Variants in SGCZ observed in about 807,000 individuals in gnomAD.
SGCZ encodes the protein zeta-sarcoglycan.
A neutral mutation model predicts 41.3 loss-of-function variants in SGCZ; 40 were observed. The observed-to-expected ratio is 0.97, with a 90% CI of 0.75 to 1.26. The LOEUF is 1.26. SGCZ is among the 50% of genes most tolerant of loss of function. The pLI, the probability that SGCZ is intolerant of heterozygous loss-of-function variation, is 0.00. For synonymous variants in SGCZ, 206 were observed against 137.5 expected, an observed-to-expected ratio of 1.50 and a Z score of -3.49; for missense variants, 552 against 369.8, an observed-to-expected ratio of 1.49 and a Z score of -4.04.
At position 14,534,824 on chromosome 8, in the gene SGCZ, T is replaced by C. The variant is rs190974092; in HGVS notation, c.234+19908A>G. Among the ~76,000 whole-genome samples the C allele has an allele frequency of 1.3e-3, 200 of 152,148 alleles. 1 individual carries two copies. The Middle Eastern group carries it at 0.02, about 16-fold the overall frequency. On this transcript the variant is annotated intron_variant, in intron 2 of 7. Transcript: ENST00000382080. ...TTTTAGGCTGATACTACTAATATTG[T>C]GATTTTTGAAAATGTTTCCTCAGGC...
At chr8:14,263,109 T>C (rs992665472) in intron 3 of SGCZ, among the ~76,000 whole-genome samples, 6 of 152,220 alleles carry the variant, frequency 3.9e-5, no homozygotes, top group Admixed American at 3.3e-4. Flanking sequence ...ATTTTGTGTT[T>C]AATGGAAGTT....
intron 1 of SGCZ, among the ~76,000 whole-genome samples, chr8:14,583,492 A>G (rs1188530264): frequency 1.3e-5 from 2 of 152,000 alleles, no homozygotes; most frequent in Non-Finnish European, 2.9e-5. Context: ...TTTGCTGTGC[A>G]GAAGCTCTTT....
intron 1 of SGCZ, among the ~76,000 whole-genome samples, chr8:15,214,160 G>C (rs1318481784): frequency 6.6e-6 from 1 of 151,722 alleles, no homozygotes; most frequent in African/African-American, 2.4e-5. Context: ...AATAAGTTAG[G>C]CACCAAAAGT....
chr8:14,873,369 C>A (rs1804235933), intron 1 of SGCZ, among the ~76,000 whole-genome samples: 1 of 152,000 alleles, frequency 6.6e-6, no homozygotes, highest in African/African-American at 2.4e-5. Context: ...TAATACATGC[C>A]TTCAATTCTA....
intron 1 of SGCZ, among the ~76,000 whole-genome samples, chr8:15,046,762 C>G (rs148975634): frequency 2.6e-5 from 4 of 152,144 alleles, no homozygotes; most frequent in African/African-American, 9.6e-5. Flanking sequence ...GATATAGTTA[C>G]AGATATACAA....
intron 1 of SGCZ, among the ~76,000 whole-genome samples, chr8:14,705,124 G>A (rs934145362): frequency 6.6e-6 from 1 of 151,912 alleles, no homozygotes. Flanking sequence ...CCTAGTTAAG[G>A]GTTCCTTCAA....
chr8:14,147,046 G>T (rs1422959970), intron 5 of SGCZ, among the ~76,000 whole-genome samples: 1 of 151,472 alleles, frequency 6.6e-6, no homozygotes, highest in African/African-American at 2.4e-5. Flanking sequence ...GTTCTTATCA[G>T]ATTAAAATAA....
At chr8:14,643,874 G>T (rs1807113996) in intron 1 of SGCZ, among the ~76,000 whole-genome samples, 2 of 151,600 alleles carry the variant, frequency 1.3e-5, no homozygotes, top group Non-Finnish European at 3.0e-5. Context: ...TTAAGATAAA[G>T]TTATAAGTAA....
chr8:14,160,970 T>G (rs1273618857), intron 5 of SGCZ, among the ~76,000 whole-genome samples: 2 of 152,198 alleles, frequency 1.3e-5, no homozygotes, highest in Non-Finnish European at 1.5e-5. Context: ...AGGCATCCAT[T>G]TTAATTCCTA....
chr8:14,188,834 G>GTTTGTTTTTTTGTTTTTTTT (rs1804996024), intron 4 of SGCZ, among the ~76,000 whole-genome samples: 1 of 61,780 alleles, frequency 1.6e-5, no homozygotes, highest in Non-Finnish European at 2.6e-5. Flanking sequence ...GTTTTTTTTT[G>GTTTGTTTTTTTGTTTTTTTT]TTTGTTTGTT....
At chr8:14,673,208 G>A (rs575204007) in intron 1 of SGCZ, among the ~76,000 whole-genome samples, 1 of 152,106 alleles carries the variant, frequency 6.6e-6, no homozygotes, top group Non-Finnish European at 1.5e-5. Flanking sequence ...ATTAATTTAT[G>A]ACCTATTAGA....
chr8:14,350,377 C>G (rs544318111), intron 2 of SGCZ, among the ~76,000 whole-genome samples: 58 of 151,974 alleles, frequency 3.8e-4, no homozygotes, highest in African/African-American at 1.3e-3. Context: ...TATGCTTTTT[C>G]AAGTATTTTA....
intron 1 of SGCZ, among the ~76,000 whole-genome samples, chr8:15,150,460 C>T (rs778939711): frequency 5.3e-5 from 8 of 152,180 alleles, no homozygotes; most frequent in Non-Finnish European, 7.3e-5. Flanking sequence ...GGTAAAGCCA[C>T]GTGATTCACT....
At chr8:14,418,755 A>C (rs1168158105) in intron 2 of SGCZ, among the ~76,000 whole-genome samples, 1 of 152,018 alleles carries the variant, frequency 6.6e-6, no homozygotes, top group Non-Finnish European at 1.5e-5. Context: ...AAACATACAG[A>C]AAATAAAAAG....
At chr8:14,277,407 C>A (rs1483829446) in intron 3 of SGCZ, among the ~76,000 whole-genome samples, 3 of 148,632 alleles carry the variant, frequency 2.0e-5, no homozygotes, top group Non-Finnish European at 4.5e-5. Context: ...TACAACTCTA[C>A]TCAGAAATAG....
intron 3 of SGCZ, among the ~76,000 whole-genome samples, chr8:14,276,712 C>A (rs577815871): frequency 6.6e-6 from 1 of 152,114 alleles, no homozygotes; most frequent in African/African-American, 2.4e-5. Context: ...TCTAAAAATT[C>A]AAATTTGATG....
intron 6 of SGCZ, among the ~76,000 whole-genome samples, chr8:14,104,266 G>T (rs1200032980): frequency 6.6e-6 from 1 of 152,122 alleles, no homozygotes; most frequent in Admixed American, 6.6e-5. Flanking sequence ...AAATATAGCA[G>T]TAAGTTTCAG....
chr8:14,719,699 T>C (rs913213143), intron 1 of SGCZ, among the ~76,000 whole-genome samples: 1 of 151,756 alleles, frequency 6.6e-6, no homozygotes, highest in African/African-American at 2.4e-5. Context: ...TTTGATGGGG[T>C]TGTTTGTTTT....
chr8:15,102,875 C>G (rs568280906), intron 1 of SGCZ, among the ~76,000 whole-genome samples: 1 of 152,152 alleles, frequency 6.6e-6, no homozygotes, highest in African/African-American at 2.4e-5. Context: ...GCAACACTTA[C>G]CAGGAACTCT....
Sources: allele counts gnomAD v4.1 joint callset (sites outside exome capture counted in the v4.1 genomes callset), GRCh38; gene constraint gnomAD v4.1.1; transcripts MANE v1.5; gene names NCBI Gene and HGNC (gene_info 2026-07-23, HGNC 2026-07-21).